OR13A1: variants seen among roughly 807,000 people sequenced by gnomAD.
OR13A1 encodes the protein olfactory receptor 13A1.
Under a neutral mutation model 7.5 loss-of-function variants are expected in OR13A1, and 10 were observed. The ratio of observed to expected loss-of-function variants is 1.34; its 90% CI spans 0.83 to 2.27. OR13A1 has a LOEUF of 2.27. Among genes scored for constraint, OR13A1 ranks in the 30% most tolerant of loss-of-function variants. OR13A1 has a pLI of 0.00. For missense variants in OR13A1, 509 were observed against 419.1 expected, an observed-to-expected ratio of 1.21 and a Z score of -1.87; for synonymous variants, 238 against 177.9, an observed-to-expected ratio of 1.34 and a Z score of -2.69.
intron 1 of OR13A1, among the ~76,000 whole-genome samples, chr10:45,309,999 A>T (rs180802141): frequency 9.4e-4 from 143 of 152,350 alleles, no homozygotes; most frequent in Non-Finnish European, 1.9e-3. Context: ...GACGTACATG[A>T]ATCCATTTTA....
intron 1 of OR13A1, among the ~76,000 whole-genome samples, chr10:45,314,332 C>A (rs1838490874): frequency 6.6e-6 from 1 of 151,718 alleles, no homozygotes; most frequent in Non-Finnish European, 1.5e-5. Flanking sequence ...CATGGTGGGT[C>A]ATGCCTGCAA....
At chr10:45,304,985 C>T (rs897665246) in intron 3 of OR13A1, among the ~76,000 whole-genome samples, 6 of 152,134 alleles carry the variant, frequency 3.9e-5, no homozygotes, top group Non-Finnish European at 5.9e-5. Flanking sequence ...GAGAATGACA[C>T]TTTGGGAGGC....
intron 1 of OR13A1, among the ~76,000 whole-genome samples, chr10:45,314,617 C>G (rs934221429): frequency 1.3e-5 from 2 of 151,518 alleles, no homozygotes; most frequent in African/African-American, 4.8e-5. Flanking sequence ...AGAAAAAAAT[C>G]AACAAAACTA....
At chr10:45,313,300 C>T (rs1165003158) in intron 1 of OR13A1, among the ~76,000 whole-genome samples, 1 of 142,442 alleles carries the variant, frequency 7.0e-6, no homozygotes, top group African/African-American at 2.7e-5. Flanking sequence ...CAAAAGGAAA[C>T]AGGAAGGGAA....
At position 45,307,504 on chromosome 10, in the gene OR13A1, C is replaced by T. The variant is rs1838356821; in HGVS notation, c.-91G>A. 1 of 152,162 alleles carries T rather than the reference C, an allele frequency of 6.6e-6. No individual in the cohort carries two copies. Among genetic ancestry groups the T allele is most frequent in the South Asian group, 2.1e-4 (1 of 4,826 alleles). 9.4% of individuals were successfully genotyped at this position (152,162 alleles called of 1,614,324 possible). A position where few individuals can be genotyped will look rare whatever the true frequency, so the allele number is the denominator to read the frequency against. On this transcript the variant is annotated 5_prime_UTR_variant, in exon 3 of 4. Transcript: ENST00000553795. The stretch of plus-strand genomic sequence containing the variant: ...CAATAATGAGATCAAAGAATCGGGG[C>T]TCCAATCCTCTTTCCATGAGAATGA...
rs775797154 is a variant in OR13A1 at position 45,304,399 on chromosome 10, G to A, written c.24C>T (p.His8=). The change falls in exon 4 of 4, where the codon CAC becomes CAT. Residue 8 remains histidine, a synonymous_variant. Coordinates refer to ENST00000553795, the MANE Select transcript of OR13A1 (RefSeq NM_001004297.3). MKLWMES[H]LIVPETRPSP... is the part of the protein sequence containing the mutation. The stretch of plus-strand genomic sequence containing the variant: ...TGGGACGGGTTTCTGGGACTATCAG[G>A]TGACTCTCCATCCACAGCTTCATGT... The A allele has an allele frequency of 5.0e-6, 8 of 1,613,232 alleles. No individual in the cohort carries two copies. Among genetic ancestry groups the A allele is most frequent in the South Asian group, 1.1e-5 (1 of 91,028 alleles).
intron 1 of OR13A1, among the ~76,000 whole-genome samples, chr10:45,315,184 C>T (rs529831517): frequency 1.3e-5 from 2 of 152,110 alleles, no homozygotes; most frequent in South Asian, 4.2e-4. Context: ...TGTGCTGGCT[C>T]ATGCCTGTAA....
At position 45,304,049 on chromosome 10, in the gene OR13A1, G is replaced by A; in HGVS notation, c.374C>T (p.Ala125Val). 5.0e-6 allele frequency: 8 copies of A among 1,613,496 alleles called. No homozygotes were observed. The highest frequency in any genetic ancestry group is 5.9e-6 in the Non-Finnish European group (7 of 1,179,582). The change falls in exon 4 of 4, where the codon GCT (alanine) becomes GTT (valine). Residue 125 changes from alanine (A) to valine (V), a missense_variant. By Grantham distance (64) the Ala-to-Val change is moderately conservative. Coordinates refer to ENST00000553795, the MANE Select transcript of OR13A1 (RefSeq NM_001004297.3). ...CMAQLYFLTW[A>V]ASSELLLLTV... ...GAGGAGCAGCAGCTCTGAGGATGCAGCCCACGTGAGGAAATAGAGCTGGGC... is the reference window on the plus strand; with the variant it reads ...GAGGAGCAGCAGCTCTGAGGATGCAACCCACGTGAGGAAATAGAGCTGGGC...
At chr10:45,310,360 A>C (rs1838419782) in intron 1 of OR13A1, among the ~76,000 whole-genome samples, 1 of 152,204 alleles carries the variant, frequency 6.6e-6, no homozygotes, top group African/African-American at 2.4e-5. Flanking sequence ...GTTCCTCTCA[A>C]ATCAATGATT....
intron 1 of OR13A1, among the ~76,000 whole-genome samples, chr10:45,314,746 G>T (rs1796629824): frequency 6.6e-6 from 1 of 152,014 alleles, no homozygotes. Context: ...CCATGCCATA[G>T]AAATCAAAAG....
At chr10:45,308,999 C>T (rs976764095) in intron 1 of OR13A1, 3 of 152,138 alleles carry the variant, frequency 2.0e-5, no homozygotes, top group African/African-American at 7.2e-5. Flanking sequence ...CCTGAAGGAG[C>T]AATTAAATTA....
In OR13A1 at chr10:45,304,339, G is replaced by A. The variant is rs767839203; in HGVS notation, c.84C>T (p.Thr28=). ...CCGAAAAGCCCTGCAGGATGAACTCGGTTACCAACGTCTGGTTACTCATCA... is the reference window on the plus strand; with the variant it reads ...CCGAAAAGCCCTGCAGGATGAACTCAGTTACCAACGTCTGGTTACTCATCA... ...PRMMSNQTLV[T]EFILQGFSEH... is the part of the protein sequence containing the mutation. Residue 28 remains threonine, a synonymous_variant, in exon 4 of 4, where the codon ACC becomes ACT. Coordinates refer to ENST00000553795, the MANE Select transcript of OR13A1 (RefSeq NM_001004297.3). The A allele has an allele frequency of 3.2e-5, 51 of 1,614,028 alleles. No individual in the cohort carries two copies. Among genetic ancestry groups the A allele is most frequent in the Non-Finnish European group, 4.2e-5 (49 of 1,180,018 alleles).
At chr10:45,305,310 T>A (rs543433934) in intron 3 of OR13A1, among the ~76,000 whole-genome samples, 11 of 152,014 alleles carry the variant, frequency 7.2e-5, no homozygotes, top group East Asian at 3.9e-4. Flanking sequence ...GATCTCATTT[T>A]TAAAAAAAAA....
At chr10:45,312,597 C>T (rs1838464700) in intron 1 of OR13A1, among the ~76,000 whole-genome samples, 1 of 151,708 alleles carries the variant, frequency 6.6e-6, no homozygotes, top group African/African-American at 2.4e-5. Flanking sequence ...AAAGAAAACC[C>T]AGAGACTCAC....
In OR13A1 at chr10:45,304,228, C is replaced by T. The variant is rs1838280780; in HGVS notation, c.195G>A (p.Leu65=). The stretch of plus-strand genomic sequence containing the variant: ...GGAGCCCAGGGTTGAACGTGATGGC[C>T]AAGGTGATGAGGACATTACCTGTGA... ...GALTGNVLIT[L]AITFNPGLHA... Residue 65 remains leucine (L), a synonymous_variant, in exon 4 of 4, where the codon TTG becomes TTA. Coordinates refer to ENST00000553795, the MANE Select transcript of OR13A1 (RefSeq NM_001004297.3). 1 of 1,613,982 alleles carries T rather than the reference C, an allele frequency of 6.2e-7. No homozygotes were observed. Among genetic ancestry groups the T allele is most frequent in the African/African-American group, 1.3e-5 (1 of 74,894 alleles).
In OR13A1 at chr10:45,304,444, T is replaced by C. The variant is rs766597455; in HGVS notation, c.-12-10A>G. The C allele has an allele frequency of 2.4e-5, 38 of 1,597,934 alleles. No individual in the cohort carries two copies. The highest frequency in any genetic ancestry group is 8.5e-7 in the Non-Finnish European group (1 of 1,171,998). The stretch of plus-strand genomic sequence containing the variant: ...TCATGTGATTTCAGAGCTAGAGAGA[T>C]AAACAAGAGGTGTCCTGAGGAAGGC... On this transcript the variant is annotated splice_polypyrimidine_tract_variant and intron_variant, in intron 3 of 3. Coordinates refer to ENST00000553795, the MANE Select transcript of OR13A1 (RefSeq NM_001004297.3).
chr10:45,311,759 T>C (rs184350077), intron 1 of OR13A1, among the ~76,000 whole-genome samples: 83 of 142,944 alleles, frequency 5.8e-4, no homozygotes, highest in African/African-American at 2.4e-3. Context: ...AGTGATGAAA[T>C]AATAAACAAA....
chr10:45,310,649 G>C (rs1838427295), intron 1 of OR13A1, among the ~76,000 whole-genome samples: 1 of 151,946 alleles, frequency 6.6e-6, no homozygotes, highest in African/African-American at 2.4e-5. Flanking sequence ...ACTAATAATT[G>C]CCACAAATAT....
intron 1 of OR13A1, among the ~76,000 whole-genome samples, chr10:45,308,091 A>G (rs1838372578): frequency 6.6e-6 from 1 of 152,216 alleles, no homozygotes; most frequent in Admixed American, 6.5e-5. Flanking sequence ...TGATTTTCAC[A>G]GACACCATAT....
Sources: allele counts gnomAD v4.1 joint callset (sites outside exome capture counted in the v4.1 genomes callset), GRCh38; gene constraint gnomAD v4.1.1; transcripts MANE v1.5; gene names NCBI Gene and HGNC (gene_info 2026-07-23, HGNC 2026-07-21).